Variants in MYT1L observed in about 807,000 individuals in gnomAD.
MYT1L encodes the protein myelin transcription factor 1 like.
A neutral mutation model predicts 126.7 loss-of-function variants in MYT1L; 12 were observed. That is an observed-to-expected ratio of 0.09 (90% confidence interval 0.06 to 0.15). The LOEUF is 0.15. Among genes scored for constraint, MYT1L ranks in the 10% least tolerant of loss-of-function variants. MYT1L has a pLI of 1.00. For synonymous variants in MYT1L, 541 were observed against 604.2 expected, an observed-to-expected ratio of 0.90 and a Z score of 1.53; for missense variants, 979 against 1,585.2, an observed-to-expected ratio of 0.62 and a Z score of 6.49.
chr2:1,879,773 C>T (rs1000115063), intron 18 of MYT1L, among the ~76,000 whole-genome samples: 4 of 151,814 alleles, frequency 2.6e-5, no homozygotes, highest in Non-Finnish European at 5.9e-5. Context: ...AAAAGTCATC[C>T]GGAAGTTAAA....
At chr2:2,065,848 G>GCACA (rs10678486) in intron 3 of MYT1L, among the ~76,000 whole-genome samples, 96 of 135,394 alleles carry the variant, frequency 7.1e-4, no homozygotes, top group African/African-American at 2.2e-3. Context: ...ACACACACAC[G>GCACA]CACACACACA....
intron 1 of MYT1L, among the ~76,000 whole-genome samples, chr2:2,287,440 G>T (rs556190550): frequency 6.6e-6 from 1 of 152,094 alleles, no homozygotes; most frequent in Admixed American, 6.5e-5. Flanking sequence ...AATTCTGGAC[G>T]TAAGACCTGT....
At position 2,127,575 on chromosome 2, in the gene MYT1L, G is replaced by A. The variant is rs368175026; in HGVS notation, c.-304+45297C>T. On this transcript the variant is annotated intron_variant, in intron 3 of 24. Transcript: ENST00000647738. ...CAGAATGTTCCCCTACACCCCTCCC[G>A]GTAAGCAGCTGCTCTTCTGACTTGC... Among the ~76,000 whole-genome samples the A allele has an allele frequency of 3.5e-4, 53 of 152,230 alleles. 3 individuals are homozygous for A. In the South Asian group the frequency reaches 6.4e-3, roughly 18 times the overall value.
intron 18 of MYT1L, among the ~76,000 whole-genome samples, chr2:1,877,619 G>T (rs1045198535): frequency 6.6e-6 from 1 of 152,148 alleles, no homozygotes; most frequent in Non-Finnish European, 1.5e-5. Context: ...AAGGGAGAGG[G>T]ACATGAACGG....
intron 2 of MYT1L, among the ~76,000 whole-genome samples, chr2:2,277,766 G>A (rs2095386738): frequency 6.6e-6 from 1 of 152,028 alleles, no homozygotes; most frequent in Non-Finnish European, 1.5e-5. Context: ...AAAAAATGGG[G>A]TTGTATACCC....
intron 2 of MYT1L, among the ~76,000 whole-genome samples, chr2:2,210,048 T>C (rs2093449307): frequency 6.6e-6 from 1 of 152,228 alleles, no homozygotes. Context: ...TCAGTGATGT[T>C]GAACACATTT....
rs537372948 is a variant in MYT1L, at chr2:2,262,071, C to T, written c.-421+22333G>A. Among the ~76,000 whole-genome samples the T allele has an allele frequency of 3.3e-5, 5 of 152,274 alleles. No individual in the cohort carries two copies. In the East Asian group the frequency reaches 9.6e-4, roughly 29 times the overall value. On this transcript the variant is annotated intron_variant, in intron 2 of 24. Transcript: ENST00000647738. Reference sequence around the variant, plus strand: ...ATTGAGACACCCCTTAACATAACTTCAGGAGTCTGGAGTTTTTGTGTATTT... The same window carrying T: ...ATTGAGACACCCCTTAACATAACTTTAGGAGTCTGGAGTTTTTGTGTATTT...
chr2:2,076,200 G>C (rs937049293), intron 3 of MYT1L, among the ~76,000 whole-genome samples: 2 of 152,116 alleles, frequency 1.3e-5, no homozygotes, highest in Admixed American at 1.3e-4. Context: ...AGAGAACTTT[G>C]GAAAACTCTC....
rs2035755459 is a variant in MYT1L, at chr2:1,806,593, C to T, written c.3172+2483G>A. On this transcript the variant is annotated intron_variant, in intron 22 of 24. Transcript: ENST00000647738. This position sits in a 1 kb window ranked among gnomAD's most constrained non-coding sequence, Gnocchi z 4.9. ...TAGCACCTGTTTTTGTGAATTAACT[C>T]CTTGTGTGCAGCAGTAATAGGAATG... is the stretch of plus-strand genomic sequence containing the variant. Among the ~76,000 whole-genome samples, 1 of 152,178 alleles carries T rather than the reference C, an allele frequency of 6.6e-6. No homozygotes were observed.
At chr2:2,011,362 C>T (rs2063802426) in intron 4 of MYT1L, among the ~76,000 whole-genome samples, 1 of 150,824 alleles carries the variant, frequency 6.6e-6, no homozygotes, top group South Asian at 2.1e-4. Context: ...GAGATTGCGC[C>T]ACTGCACTCC....
At chr2:2,082,555 A>G (rs1384144722) in intron 3 of MYT1L, among the ~76,000 whole-genome samples, 2 of 152,190 alleles carry the variant, frequency 1.3e-5, no homozygotes, top group Non-Finnish European at 2.9e-5. Context: ...CAAATGTGGC[A>G]TATAACATTG....
At chr2:1,856,471 C>A (rs572007297) in intron 18 of MYT1L, among the ~76,000 whole-genome samples, 1 of 152,182 alleles carries the variant, frequency 6.6e-6, no homozygotes, top group African/African-American at 2.4e-5. Flanking sequence ...GCAGCTGGGA[C>A]GCTCACCAAC....
intron 2 of MYT1L, among the ~76,000 whole-genome samples, chr2:2,176,355 T>C (rs1022569241): frequency 1.3e-5 from 2 of 152,212 alleles, no homozygotes; most frequent in African/African-American, 4.8e-5. Context: ...GTCAGTTACA[T>C]ATTTGTGGGA....
chr2:2,212,756 G>C (rs1253902362), intron 2 of MYT1L, among the ~76,000 whole-genome samples: 5 of 152,138 alleles, frequency 3.3e-5, no homozygotes, highest in Non-Finnish European at 7.4e-5. Flanking sequence ...GTCATGCACA[G>C]AACAACACAT....
intron 21 of MYT1L, among the ~76,000 whole-genome samples, chr2:1,830,480 G>C (rs1229582608): frequency 6.6e-6 from 1 of 152,056 alleles, no homozygotes; most frequent in Non-Finnish European, 1.5e-5. Context: ...ATGGAGGAAA[G>C]GGTGTTCTCG....
intron 2 of MYT1L, among the ~76,000 whole-genome samples, chr2:2,210,098 A>G (rs904930606): frequency 6.6e-6 from 1 of 152,148 alleles, no homozygotes; most frequent in Non-Finnish European, 1.5e-5. Flanking sequence ...TCTTCTTTTG[A>G]GAGACGTCCA....
chr2:2,018,845 T>A (rs2064721730), intron 4 of MYT1L, among the ~76,000 whole-genome samples: 1 of 152,100 alleles, frequency 6.6e-6, no homozygotes, highest in Non-Finnish European at 1.5e-5. Flanking sequence ...ATTTCGTTTT[T>A]GAGTTCCAGA....
chr2:1,939,011 C>T (rs550467374), intron 9 of MYT1L, among the ~76,000 whole-genome samples: 7 of 152,210 alleles, frequency 4.6e-5, no homozygotes, highest in Admixed American at 2.6e-4. Flanking sequence ...GTGAAAATAC[C>T]CGACTGGATG....
chr2:2,130,801 T>C (rs1003538425), intron 3 of MYT1L, among the ~76,000 whole-genome samples: 3 of 152,190 alleles, frequency 2.0e-5, no homozygotes, highest in African/African-American at 7.2e-5. Context: ...GGGAATAATA[T>C]TAGCTTTTTT....
Sources: gnomAD v4.1 joint callset for allele counts (sites outside exome capture counted in the v4.1 genomes callset) on GRCh38, gnomAD v4.1.1 for gene constraint, Gnocchi (gnomAD v3.1) non-coding constraint, MANE v1.5 for transcripts, NCBI Gene and HGNC (gene_info 2026-07-23, HGNC 2026-07-21) for gene names.